The following PPM1L variants were observed in gnomAD, a reference collection of about 807,000 sequenced individuals.
The protein encoded by PPM1L is protein phosphatase 1L.
PPM1L carries 13 observed loss-of-function variants against 31.4 expected under a neutral mutation model. The ratio of observed to expected loss-of-function variants is 0.41; its 90% CI spans 0.27 to 0.66. The LOEUF (loss-of-function observed/expected upper bound fraction) is 0.66. Ranked by LOEUF, PPM1L falls within the 30% of genes least tolerant of loss-of-function variation. The pLI is 0.29. For missense variants in PPM1L, 326 were observed against 453.7 expected, an observed-to-expected ratio of 0.72 and a Z score of 2.56; for synonymous variants, 184 against 175.4, an observed-to-expected ratio of 1.05 and a Z score of -0.39.
intron 1 of PPM1L, among the ~76,000 whole-genome samples, chr3:160,944,771 TTATATATTATATTA>T (rs1715277877): frequency 2.3e-5 from 1 of 44,190 alleles, no homozygotes; most frequent in South Asian, 4.7e-4. Flanking sequence ...ATATAACATG[TTATATATTATATTA>T]TATATGTTAT....
intron 1 of PPM1L, among the ~76,000 whole-genome samples, chr3:160,856,973 G>C (rs1010998027): frequency 2.0e-5 from 3 of 152,010 alleles, no homozygotes; most frequent in African/African-American, 7.2e-5. Flanking sequence ...CCAAATTTCT[G>C]AAACTTCTTT....
intron 2 of PPM1L, among the ~76,000 whole-genome samples, chr3:161,050,830 G>T (rs910177115): frequency 6.6e-6 from 1 of 152,134 alleles, no homozygotes; most frequent in Admixed American, 6.6e-5. Flanking sequence ...TGTACATAAA[G>T]CTCAGTTCAA....
chr3:160,981,894 C>G (rs1408824571), intron 2 of PPM1L, among the ~76,000 whole-genome samples: 1 of 152,076 alleles, frequency 6.6e-6, no homozygotes, highest in African/African-American at 2.4e-5. Flanking sequence ...TCCTGAGTAA[C>G]TGGGATTACA....
chr3:160,882,104 G>A (rs1431621131), intron 1 of PPM1L: 3 of 151,860 alleles, frequency 2.0e-5, no homozygotes, highest in African/African-American at 7.3e-5. Context: ...ATAAAGTGAA[G>A]GAGGAAGACC....
intron 1 of PPM1L, among the ~76,000 whole-genome samples, chr3:160,777,219 A>T (rs544255881): frequency 1.3e-5 from 2 of 152,138 alleles, no homozygotes; most frequent in East Asian, 3.9e-4. Context: ...GCTACTTGTG[A>T]GGATGATGCG....
At chr3:160,952,465 T>C (rs1451929444) in intron 1 of PPM1L, among the ~76,000 whole-genome samples, 2 of 152,190 alleles carry the variant, frequency 1.3e-5, no homozygotes, top group Admixed American at 1.3e-4. Flanking sequence ...TGATAATCTC[T>C]CCTGTATCTT....
chr3:160,865,832 A>G (rs1712068665), intron 1 of PPM1L, among the ~76,000 whole-genome samples: 1 of 152,208 alleles, frequency 6.6e-6, no homozygotes, highest in Admixed American at 6.5e-5. Flanking sequence ...TTTCAGATAT[A>G]AGCAGGAAAT....
At chr3:160,829,358 T>C (rs1713449418) in intron 1 of PPM1L, among the ~76,000 whole-genome samples, 1 of 152,118 alleles carries the variant, frequency 6.6e-6, no homozygotes, top group Admixed American at 6.6e-5. Flanking sequence ...AACTGGCATA[T>C]ACCTACTTCA....
intron 2 of PPM1L, among the ~76,000 whole-genome samples, chr3:160,978,235 A>T (rs1234316973): frequency 6.6e-6 from 1 of 152,178 alleles, no homozygotes; most frequent in Non-Finnish European, 1.5e-5. Flanking sequence ...TTCCACAGAC[A>T]TTAACTTCCC....
intron 2 of PPM1L, among the ~76,000 whole-genome samples, chr3:160,978,656 C>T (rs1248760974): frequency 6.6e-6 from 1 of 151,984 alleles, no homozygotes; most frequent in African/African-American, 2.4e-5. Context: ...ATGGTGAAAC[C>T]CCATTTCTAT....
intron 1 of PPM1L, among the ~76,000 whole-genome samples, chr3:160,791,088 G>A (rs572915796): frequency 6.6e-6 from 1 of 152,054 alleles, no homozygotes; most frequent in African/African-American, 2.4e-5. Flanking sequence ...TGCCAAACTC[G>A]ATTAGCACTA....
intron 1 of PPM1L, among the ~76,000 whole-genome samples, chr3:160,774,346 A>G (rs1711509126): frequency 6.6e-6 from 1 of 152,162 alleles, no homozygotes; most frequent in Non-Finnish European, 1.5e-5. Context: ...ATGCTAATTC[A>G]GGCTTTCAAC....
intron 2 of PPM1L, among the ~76,000 whole-genome samples, chr3:161,033,385 G>A (rs891312725): frequency 6.6e-6 from 1 of 152,044 alleles, no homozygotes. Context: ...AGAGCCAAGA[G>A]AATCCTAAGC....
chr3:160,910,247 T>C (rs1713915329), intron 1 of PPM1L, among the ~76,000 whole-genome samples: 2 of 25,758 alleles, frequency 7.8e-5, no homozygotes, highest in Non-Finnish European at 1.6e-4. Flanking sequence ...CCCCTTTCCT[T>C]TCCCCTTCCC....
At chr3:160,822,024 G>A (rs1431150386) in intron 1 of PPM1L, among the ~76,000 whole-genome samples, 1 of 151,810 alleles carries the variant, frequency 6.6e-6, no homozygotes, top group Non-Finnish European at 1.5e-5. Context: ...CTGTATTCAC[G>A]CTATACCATA....
chr3:160,762,126 TA>T (rs1224516935), intron 1 of PPM1L, among the ~76,000 whole-genome samples: 1 of 152,184 alleles, frequency 6.6e-6, no homozygotes, highest in African/African-American at 2.4e-5. Context: ...ATAAATAAAT[TA>T]TGACTGGCAC....
chr3:160,952,105 A>G (rs1045755133), intron 1 of PPM1L, among the ~76,000 whole-genome samples: 6 of 152,200 alleles, frequency 3.9e-5, no homozygotes, highest in Admixed American at 2.0e-4. Flanking sequence ...CCAGGTTAGA[A>G]GTGCCAAAGA....
intron 1 of PPM1L, among the ~76,000 whole-genome samples, chr3:160,765,818 A>G (rs1715088260): frequency 6.6e-6 from 1 of 152,086 alleles, no homozygotes; most frequent in Non-Finnish European, 1.5e-5. Flanking sequence ...TCAAGCTTCG[A>G]CTTTTTTTTT....
At chr3:161,041,670 C>A (rs1559934188) in intron 2 of PPM1L, among the ~76,000 whole-genome samples, 1 of 152,072 alleles carries the variant, frequency 6.6e-6, no homozygotes, top group Non-Finnish European at 1.5e-5. Context: ...ATGGTGTGAA[C>A]CCAGGAGGCG....
Sources: gnomAD v4.1 joint callset for allele counts (sites outside exome capture counted in the v4.1 genomes callset) on GRCh38, gnomAD v4.1.1 for gene constraint, MANE v1.5 for transcripts, NCBI Gene and HGNC (gene_info 2026-07-23, HGNC 2026-07-21) for gene names.